The following NEK10 variants were observed in gnomAD, a reference collection of about 807,000 sequenced individuals.
NEK10 encodes serine/threonine-protein kinase Nek10.
In NEK10, 122 loss-of-function variants were observed where a neutral mutation model predicts 159.8. The ratio of observed to expected loss-of-function variants is 0.76; its 90% CI spans 0.66 to 0.89. The LOEUF (loss-of-function observed/expected upper bound fraction) is 0.89, where lower values mean the gene tolerates loss of function less well. Ranked by LOEUF, NEK10 falls within the 40% of genes least tolerant of loss-of-function variation. NEK10 has a pLI of 0.00. For synonymous variants in NEK10, 466 were observed against 457.1 expected, an observed-to-expected ratio of 1.02 and a Z score of -0.25; for missense variants, 1,342 against 1,323.1, an observed-to-expected ratio of 1.01 and a Z score of -0.22.
chr3:27,259,455 G>T (rs565100051), intron 22 of NEK10, among the ~76,000 whole-genome samples: 1 of 152,232 alleles, frequency 6.6e-6, no homozygotes, highest in Non-Finnish European at 1.5e-5. Context: ...AGTTTTCCCA[G>T]CACCGTTTAT....
intron 23 of NEK10, chr3:27,252,356 C>T (rs1156490362): frequency 1.0e-5 from 3 of 300,908 alleles, no homozygotes; most frequent in Non-Finnish European, 2.1e-5. Context: ...GCAGCTATCT[C>T]TGAAGGAAGA....
intron 22 of NEK10, among the ~76,000 whole-genome samples, chr3:27,272,250 A>G (rs1278618160): frequency 6.6e-6 from 1 of 152,120 alleles, no homozygotes; most frequent in Non-Finnish European, 1.5e-5. Context: ...CCAGCCCTAT[A>G]AAGCACCTGC....
At chr3:27,328,299 C>CA (rs2046157039) in intron 5 of NEK10, among the ~76,000 whole-genome samples, 3 of 152,066 alleles carry the variant, frequency 2.0e-5, no homozygotes, top group Non-Finnish European at 2.9e-5. Context: ...ATTCTGATCA[C>CA]AAAAACAAAT....
chr3:27,231,934 C>T (rs1327182198), intron 23 of NEK10, among the ~76,000 whole-genome samples: 1 of 151,832 alleles, frequency 6.6e-6, no homozygotes, highest in South Asian at 2.1e-4. Context: ...GTTGATTCTA[C>T]TGAAACTATC....
intron 22 of NEK10, among the ~76,000 whole-genome samples, chr3:27,262,595 C>G (rs905539286): frequency 5.3e-5 from 8 of 152,232 alleles, no homozygotes; most frequent in South Asian, 2.1e-4. Context: ...TCTTCCATCA[C>G]TGATACCTTT....
intron 33 of NEK10, among the ~76,000 whole-genome samples, chr3:27,119,113 A>T (rs1224825804): frequency 6.6e-6 from 1 of 152,222 alleles, no homozygotes; most frequent in Non-Finnish European, 1.5e-5. Flanking sequence ...CTGAGCCCCT[A>T]CTAATAGACA....
At chr3:27,257,775 A>T (rs1449132399) in intron 22 of NEK10, among the ~76,000 whole-genome samples, 1 of 145,650 alleles carries the variant, frequency 6.9e-6, no homozygotes, top group Non-Finnish European at 1.5e-5. Flanking sequence ...GTTTTCCAAT[A>T]GCTTTCTTTT....
intron 5 of NEK10, among the ~76,000 whole-genome samples, chr3:27,324,222 T>G (rs1200584971): frequency 6.6e-6 from 1 of 152,150 alleles, no homozygotes; most frequent in African/African-American, 2.4e-5. Flanking sequence ...GTAAATGCAG[T>G]CAAAATGTTA....
rs779794196 is a variant in NEK10 at position 27,362,456 on chromosome 3, T to C, written c.-38+6769A>G. Among the ~76,000 whole-genome samples, 6 of 152,030 alleles carry C rather than the reference T, an allele frequency of 3.9e-5. No individual in the cohort carries two copies. The East Asian group carries it at 5.8e-4, about 15-fold the overall frequency. On this transcript the variant is annotated intron_variant, in intron 1 of 35. Coordinates refer to ENST00000691995, the MANE Select transcript of NEK10 (RefSeq NM_001394966.1). ...TTAATCTTTGGCCAACTCTTTTGGA[T>C]AAAGAGGAATTGACCTGAGATAATG...
chr3:27,125,399 A>G (rs1941828987), intron 32 of NEK10, among the ~76,000 whole-genome samples: 1 of 152,186 alleles, frequency 6.6e-6, no homozygotes, highest in Non-Finnish European at 1.5e-5. Context: ...TGAGCCAAAC[A>G]TAAATAAAAT....
At chr3:27,197,732 C>T (rs913771579) in intron 25 of NEK10, among the ~76,000 whole-genome samples, 3 of 151,826 alleles carry the variant, frequency 2.0e-5, no homozygotes, top group Non-Finnish European at 2.9e-5. Context: ...AGTTTGACTT[C>T]TTCTCTTCCT....
intron 23 of NEK10, among the ~76,000 whole-genome samples, chr3:27,218,538 G>T (rs1951765443): frequency 6.7e-6 from 1 of 149,984 alleles, no homozygotes; most frequent in Non-Finnish European, 1.5e-5. Flanking sequence ...CTGGGAAGCG[G>T]AGGTTGCAGT....
intron 29 of NEK10, among the ~76,000 whole-genome samples, chr3:27,170,928 C>A (rs1056344367): frequency 6.6e-6 from 1 of 152,152 alleles, no homozygotes; most frequent in African/African-American, 2.4e-5. Flanking sequence ...TTTCCTCTCT[C>A]ATTTCTCCTC....
At chr3:27,201,707 G>T in intron 24 of NEK10, 127 bp from the exon 25 acceptor site, 2 of 658,852 alleles carry the variant, frequency 3.0e-6, no homozygotes, top group Non-Finnish European at 5.4e-6. Context: ...ATTTTAGTCA[G>T]AAATCCCGAC....
At chr3:27,253,928 A>G (rs1214741751) in intron 23 of NEK10, among the ~76,000 whole-genome samples, 1 of 152,184 alleles carries the variant, frequency 6.6e-6, no homozygotes, top group Non-Finnish European at 1.5e-5. Context: ...ATGGCCCTCC[A>G]GCTCTCTGCC....
At chr3:27,207,833 T>C (rs1950652004) in intron 23 of NEK10, among the ~76,000 whole-genome samples, 1 of 152,146 alleles carries the variant, frequency 6.6e-6, no homozygotes, top group Non-Finnish European at 1.5e-5. Context: ...AGATCCACTA[T>C]TTGTGCACTC....
At chr3:27,151,629 A>C (rs1944882763) in intron 30 of NEK10, among the ~76,000 whole-genome samples, 1 of 152,176 alleles carries the variant, frequency 6.6e-6, no homozygotes. Context: ...ACACTTGTTC[A>C]CCAGCAATGG....
intron 22 of NEK10, among the ~76,000 whole-genome samples, chr3:27,266,274 G>T (rs1029625873): frequency 6.6e-6 from 1 of 152,124 alleles, no homozygotes; most frequent in African/African-American, 2.4e-5. Flanking sequence ...ATACTGCAAA[G>T]ACTATATCCA....
intron 1 of NEK10, among the ~76,000 whole-genome samples, chr3:27,362,370 T>G (rs1390965179): frequency 6.6e-6 from 1 of 152,158 alleles, no homozygotes; most frequent in East Asian, 1.9e-4. Flanking sequence ...TTGGAAGCAA[T>G]GCTATTCTTG....
Sources: gnomAD v4.1 joint callset for allele counts (sites outside exome capture counted in the v4.1 genomes callset) on GRCh38, gnomAD v4.1.1 for gene constraint, MANE v1.5 for transcripts, NCBI Gene and HGNC (gene_info 2026-07-23, HGNC 2026-07-21) for gene names.